The following EIF4E3 variants were observed in gnomAD, a reference collection of about 807,000 sequenced individuals.
EIF4E3 encodes eukaryotic translation initiation factor 4E type 3.
In EIF4E3, 26 loss-of-function variants were observed where a neutral mutation model predicts 31.7. The observed-to-expected ratio is 0.82, with a 90% confidence interval of 0.60 to 1.14. EIF4E3 has a LOEUF of 1.14. Ranked by LOEUF, EIF4E3 falls within the 50% of genes most tolerant of loss-of-function variation. The pLI is 0.00. For synonymous variants in EIF4E3, 128 were observed against 107.7 expected, an observed-to-expected ratio of 1.19 and a Z score of -1.17; for missense variants, 304 against 270.9, an observed-to-expected ratio of 1.12 and a Z score of -0.86.
chr3:71,738,349 G>T (rs192293691), intron 1 of EIF4E3, among the ~76,000 whole-genome samples: 34 of 152,138 alleles, frequency 2.2e-4, no homozygotes, highest in African/African-American at 7.0e-4. Context: ...AGGTAGAGTG[G>T]ATTAAATAAC....
At chr3:71,703,256 T>C (rs1447904) in intron 2 of EIF4E3, among the ~76,000 whole-genome samples, 55,229 of 152,022 alleles carry the variant, frequency 0.36, 10,508 homozygotes, top group African/African-American at 0.48. Flanking sequence ...GAGGGTCAGC[T>C]TTTGACCACA....
At chr3:71,711,335 A>G (rs2049375692) in intron 1 of EIF4E3, among the ~76,000 whole-genome samples, 1 of 152,230 alleles carries the variant, frequency 6.6e-6, no homozygotes, top group South Asian at 2.1e-4. Context: ...ATGTTTCATC[A>G]CACAAATAAT....
intron 6 of EIF4E3, among the ~76,000 whole-genome samples, chr3:71,689,086 C>T (rs1011207322): frequency 1.3e-5 from 2 of 152,314 alleles, no homozygotes; most frequent in African/African-American, 2.4e-5. Context: ...CTCACAACTA[C>T]CACACATATA....
chr3:71,718,172 T>C (rs2049493385), intron 1 of EIF4E3, among the ~76,000 whole-genome samples: 1 of 152,198 alleles, frequency 6.6e-6, no homozygotes, highest in Non-Finnish European at 1.5e-5. Flanking sequence ...AGAGGGAAAA[T>C]TTGTACAGCC....
chr3:71,712,539 T>C (rs1454943525), intron 1 of EIF4E3, among the ~76,000 whole-genome samples: 1 of 144,826 alleles, frequency 6.9e-6, no homozygotes, highest in Non-Finnish European at 1.5e-5. Context: ...CTGACTGCTC[T>C]ACTACATATG....
At chr3:71,746,548 G>C (rs1323062434) in intron 1 of EIF4E3, among the ~76,000 whole-genome samples, 1 of 152,092 alleles carries the variant, frequency 6.6e-6, no homozygotes, top group Non-Finnish European at 1.5e-5. Flanking sequence ...CACACCTTAA[G>C]AATCTGCACT....
rs757356936 is a variant in EIF4E3 at position 71,680,357 on chromosome 3, ATAAG to A, written c.*4321_*4324del. 1 of 152,192 alleles carries A rather than the reference ATAAG, an allele frequency of 6.6e-6. No homozygotes were observed. The highest frequency in any genetic ancestry group is 6.5e-5 in the Admixed American group (1 of 15,280). The allele number at this position is 152,192 out of a possible 1,614,324, so 9.4% of individuals were successfully genotyped here. On this transcript the variant is annotated 3_prime_UTR_variant, in exon 7 of 7. Transcript: ENST00000425534. ...GTGCTGGGGTCAAGAAATGTGAATA[ATAAG>A]TAAGTATCTGAGTGATTTTGCTGCA... is the stretch of plus-strand genomic sequence containing the variant.
At chr3:71,687,765 T>C (rs1318264278) in intron 6 of EIF4E3, among the ~76,000 whole-genome samples, 2 of 152,260 alleles carry the variant, frequency 1.3e-5, no homozygotes, top group Admixed American at 6.5e-5. Context: ...CATGACTGAA[T>C]ATGCTTGGGT....
At chr3:71,706,310 G>C (rs1006213854) in intron 2 of EIF4E3, among the ~76,000 whole-genome samples, 22 of 152,142 alleles carry the variant, frequency 1.4e-4, no homozygotes, top group African/African-American at 5.1e-4. Context: ...TCCAGCCTCA[G>C]TCTCCTCAAC....
At chr3:71,722,253 C>T (rs1360477050) in intron 1 of EIF4E3, among the ~76,000 whole-genome samples, 1 of 152,172 alleles carries the variant, frequency 6.6e-6, no homozygotes, top group Non-Finnish European at 1.5e-5. Flanking sequence ...TATGTTGAGT[C>T]TGGTTGTGTA....
At chr3:71,694,885 G>A (rs2049113734) in intron 4 of EIF4E3, among the ~76,000 whole-genome samples, 1 of 152,106 alleles carries the variant, frequency 6.6e-6, no homozygotes, top group Admixed American at 6.6e-5. Flanking sequence ...TGCAATAAAA[G>A]GGCTTAACAT....
chr3:71,735,150 TTCATC>T (rs2049749327), intron 1 of EIF4E3, among the ~76,000 whole-genome samples: 2 of 152,206 alleles, frequency 1.3e-5, no homozygotes, highest in South Asian at 4.1e-4. Context: ...TAACTAGGTG[TTCATC>T]TCATCTAAAT....
At chr3:71,754,512 G>T (rs1417759497), upstream of EIF4E3, 4 of 1,293,368 alleles carry the variant, frequency 3.1e-6, no homozygotes, top group African/African-American at 6.2e-5. The surrounding 1 kb of genome is among the most constrained non-coding windows in gnomAD (Gnocchi z 5.8). Context: ...GCTGGCCGCG[G>T]CCTTCCCGCC....
intron 6 of EIF4E3, among the ~76,000 whole-genome samples, chr3:71,689,189 A>G (rs921640770): frequency 6.6e-6 from 1 of 152,166 alleles, no homozygotes; most frequent in South Asian, 2.1e-4. Flanking sequence ...GGAGCATTTT[A>G]TCTTCAAGAG....
Position 71,720,089 on chromosome 3 carries a change from A to G in EIF4E3, c.176+5103T>C, listed in dbSNP as rs181875280. ...AAAAAGCAATATATGAATGTATACC[A>G]TAATCTCTAAGTCCATAGTTTTCCT... is the stretch of plus-strand genomic sequence containing the variant. On this transcript the variant is annotated intron_variant, in intron 1 of 6. Transcript: ENST00000425534. Among the ~76,000 whole-genome samples the G allele has an allele frequency of 3.3e-5, 5 of 152,088 alleles. No homozygotes were observed. In the East Asian group the frequency reaches 7.7e-4, roughly 24 times the overall value.
At chr3:71,729,923 GT>G (rs1220307951), upstream of EIF4E3, among the ~76,000 whole-genome samples, 1 of 151,724 alleles carries the variant, frequency 6.6e-6, no homozygotes, top group Non-Finnish European at 1.5e-5. Context: ...ACACTGAGAA[GT>G]TTCCTGTTTA....
At chr3:71,724,600 G>A (rs532387583) in intron 1 of EIF4E3, among the ~76,000 whole-genome samples, 7 of 152,284 alleles carry the variant, frequency 4.6e-5, no homozygotes, top group African/African-American at 1.7e-4. Context: ...CCAGCGCATA[G>A]CAGGTGTGTG....
rs1244902893 is a variant in EIF4E3 at position 71,678,089 on chromosome 3, T to C, written c.*6593A>G. ...GACTCCATGCTAGCAGCGTCACACA[T>C]ATTAGAGGTGTTGGACAGAAACTTT... On this transcript the variant is annotated 3_prime_UTR_variant, in exon 7 of 7. Transcript: ENST00000425534. The C allele has an allele frequency of 6.6e-6, 1 of 152,170 alleles. No individual in the cohort carries two copies. The highest frequency in any genetic ancestry group is 1.5e-5 in the Non-Finnish European group (1 of 68,034). 9.4% of individuals were successfully genotyped at this position (152,170 alleles called of 1,614,324 possible). A position where few individuals can be genotyped will look rare whatever the true frequency, so the allele number is the denominator to read the frequency against.
In EIF4E3 at chr3:71,684,579, T is replaced by G. The variant is rs1466664720; in HGVS notation, c.*103A>C. On this transcript the variant is annotated 3_prime_UTR_variant, in exon 7 of 7. Coordinates refer to ENST00000425534, the MANE Select transcript of EIF4E3 (RefSeq NM_001134651.2). ...GCAAGGACAGAAACCCACTCTAAAT[T>G]GACCAGCATCGGCTTCGGCAAGTCT... The G allele has an allele frequency of 7.0e-7, 1 of 1,421,302 alleles. No homozygotes were observed. The highest frequency in any genetic ancestry group is 9.8e-7 in the Non-Finnish European group (1 of 1,019,378). The allele number at this position is 1,421,302 out of a possible 1,614,324, so 88.0% of individuals were successfully genotyped here.
Sources: allele counts gnomAD v4.1 joint callset (sites outside exome capture counted in the v4.1 genomes callset), GRCh38; gene constraint gnomAD v4.1.1; non-coding constraint Gnocchi (gnomAD v3.1); transcripts MANE v1.5; gene names NCBI Gene and HGNC (gene_info 2026-07-23, HGNC 2026-07-21).